The following TRIM5 variants were observed in gnomAD, a reference collection of about 807,000 sequenced individuals.
TRIM5 encodes the protein tripartite motif containing 5.
Under a neutral mutation model 35.6 loss-of-function variants are expected in TRIM5, and 31 were observed. That is an observed-to-expected ratio of 0.87 (90% CI 0.65 to 1.18). TRIM5 has a LOEUF of 1.18. Ranked by LOEUF, TRIM5 falls within the 50% of genes most tolerant of loss-of-function variation. TRIM5 has a pLI of 0.00. For missense variants in TRIM5, 609 were observed against 591.6 expected, an observed-to-expected ratio of 1.03 and a Z score of -0.31; for synonymous variants, 243 against 215.6, an observed-to-expected ratio of 1.13 and a Z score of -1.11.
the TRIM5 span, among the ~76,000 whole-genome samples, chr11:5,648,558 C>T: frequency 1.2e-4 from 19 of 152,180 alleles, 1 homozygote; most frequent in East Asian, 2.1e-3. Flanking sequence ...TCCTCACACA[C>T]GAGGCTTCAT....
intron 4 of TRIM5, among the ~76,000 whole-genome samples, chr11:5,670,324 CCCA>C (rs1405476326): frequency 6.8e-6 from 1 of 147,466 alleles, no homozygotes; most frequent in Non-Finnish European, 1.5e-5. Context: ...ACTACAGGCT[CCCA>C]CCACCACACC....
intron 1 of TRIM5, among the ~76,000 whole-genome samples, chr11:5,681,237 C>T (rs1369390553): frequency 1.3e-5 from 2 of 152,098 alleles, no homozygotes; most frequent in Non-Finnish European, 2.9e-5. Context: ...CCGGAACAAA[C>T]GGAGGGTCGG....
At chr11:5,614,897 A>AGAT in the TRIM5 span, among the ~76,000 whole-genome samples, 4 of 152,224 alleles carry the variant, frequency 2.6e-5, no homozygotes, top group Non-Finnish European at 5.9e-5. Context: ...GCAATAAATC[A>AGAT]GATGGGGTTC....
the TRIM5 span, among the ~76,000 whole-genome samples, chr11:5,599,383 A>ATATTTATTTATTTATT: frequency 0.073 from 10,736 of 146,868 alleles, 485 homozygotes; most frequent in Middle Eastern, 0.16. Context: ...TACAATTATT[A>ATATTTATTTATTTATT]TATTTATTTA....
the TRIM5 span, among the ~76,000 whole-genome samples, chr11:5,615,582 TTTTTTGTTG>T: frequency 7.1e-5 from 8 of 113,208 alleles, no homozygotes; most frequent in Admixed American, 2.5e-4. Context: ...TTTTTGTTTT[TTTTTTGTTG>T]TTGTTGTTGT....
chr11:5,642,596 C>A, the TRIM5 span: 1 of 1,491,554 alleles, frequency 6.7e-7, no homozygotes, highest in Non-Finnish European at 9.0e-7. Flanking sequence ...AAATTGAGGA[C>A]AGAAGAGAGG....
In TRIM5 at chr11:5,679,715, C is replaced by G. The variant is rs764974885; in HGVS notation, c.417+46G>C. On this transcript the variant is annotated intron_variant, in intron 2 of 7. Transcript: ENST00000380034. ...CAAAGGCAAAGTGAAAATTTTCCAT[C>G]TGGTCCCATTTTCTGCCCTCTCTTC... 6 of 1,512,524 alleles carry G rather than the reference C, an allele frequency of 4.0e-6. No individual in the cohort carries two copies. In the East Asian group the frequency reaches 1.4e-4, roughly 34 times the overall value. 93.7% of individuals were successfully genotyped at this position (1,512,524 alleles called of 1,614,324 possible). A position where few individuals can be genotyped will look rare whatever the true frequency, so the allele number is the denominator to read the frequency against.
chr11:5,663,353 A>G lies in TRIM5; in HGVS notation c.*1456T>C. On this transcript the variant is annotated 3_prime_UTR_variant, in exon 8 of 8. Transcript: ENST00000380034. ...TATGTAGCAACACTAGAATTACAAT[A>G]AAATCCTAAATATATGTGTGTATTA... is the stretch of plus-strand genomic sequence containing the variant. 1.0e-6 allele frequency: 1 copy of G among 959,604 alleles called. No individual in the cohort carries two copies. The highest frequency in any genetic ancestry group is 1.2e-6 in the Non-Finnish European group (1 of 806,392). 59.4% of individuals were successfully genotyped at this position (959,604 alleles called of 1,614,324 possible). A position where few individuals can be genotyped will look rare whatever the true frequency, so the allele number is the denominator to read the frequency against.
At chr11:5,643,296 G>A in the TRIM5 span, 3 of 1,614,060 alleles carry the variant, frequency 1.9e-6, no homozygotes, top group South Asian at 1.1e-5. Context: ...ACATTACTGG[G>A]AAGTGGACGT....
the TRIM5 span, among the ~76,000 whole-genome samples, chr11:5,646,307 A>G: frequency 1.3e-5 from 2 of 152,082 alleles, no homozygotes; most frequent in Non-Finnish European, 1.5e-5. Context: ...ACTGACGTCA[A>G]TTTTTTCTCC....
At chr11:5,680,265 G>A in intron 1 of TRIM5, 27 bp from the exon 2 acceptor site, 1 of 1,307,028 alleles carries the variant, frequency 7.7e-7, no homozygotes, top group South Asian at 1.9e-5. Context: ...GTTAAAATGG[G>A]ACCAAGTAAG....
At chr11:5,654,734 G>A in the TRIM5 span, among the ~76,000 whole-genome samples, 3 of 152,148 alleles carry the variant, frequency 2.0e-5, no homozygotes, top group South Asian at 2.1e-4. Context: ...TTAACCACAT[G>A]CATTGAGGTA....
chr11:5,617,645 C>A, the TRIM5 span, among the ~76,000 whole-genome samples: 3 of 142,722 alleles, frequency 2.1e-5, no homozygotes, highest in Non-Finnish European at 4.6e-5. Flanking sequence ...TCAACCACCA[C>A]GCCTGTCTAA....
At chr11:5,652,665 T>C in the TRIM5 span, among the ~76,000 whole-genome samples, 1 of 152,184 alleles carries the variant, frequency 6.6e-6, no homozygotes, top group African/African-American at 2.4e-5. Flanking sequence ...TTTTATTTCA[T>C]ATGAATTTTA....
At chr11:5,598,054 C>G in the TRIM5 span, among the ~76,000 whole-genome samples, 1 of 152,152 alleles carries the variant, frequency 6.6e-6, no homozygotes, top group Non-Finnish European at 1.5e-5. Context: ...TTGGTCCCAC[C>G]TGGTTGTGAA....
chr11:5,610,528 A>T, the TRIM5 span: 1 of 1,614,120 alleles, frequency 6.2e-7, no homozygotes, highest in Admixed American at 1.7e-5. Context: ...TCTTTTCATC[A>T]TTACAGAGCT....
At chr11:5,627,570 T>C in the TRIM5 span, among the ~76,000 whole-genome samples, 1 of 152,206 alleles carries the variant, frequency 6.6e-6, no homozygotes. Context: ...ATGAAAATGA[T>C]TCTATGTTAA....
chr11:5,604,542 T>C, the TRIM5 span: 1 of 1,611,660 alleles, frequency 6.2e-7, no homozygotes, highest in Non-Finnish European at 8.5e-7. Flanking sequence ...AGGAGAAGTT[T>C]CAGGAGTCTC....
the TRIM5 span, among the ~76,000 whole-genome samples, chr11:5,613,941 G>T: frequency 6.6e-6 from 1 of 152,126 alleles, no homozygotes; most frequent in Non-Finnish European, 1.5e-5. Context: ...AGAACCCAAA[G>T]TATTGTCCAG....
Sources: gnomAD v4.1 joint callset for allele counts (sites outside exome capture counted in the v4.1 genomes callset) on GRCh38, gnomAD v4.1.1 for gene constraint, MANE v1.5 for transcripts, NCBI Gene and HGNC (gene_info 2026-07-23, HGNC 2026-07-21) for gene names.